The following DIAPH3 variants were observed in gnomAD, a reference collection of about 807,000 sequenced individuals.
DIAPH3 encodes diaphanous related formin 3.
DIAPH3 carries 117 observed loss-of-function variants against 144.3 expected under a neutral mutation model. The observed-to-expected ratio is 0.81, with a 90% confidence interval of 0.70 to 0.95. DIAPH3 has a LOEUF of 0.95. Among genes scored for constraint, DIAPH3 ranks in the 40% least tolerant of loss-of-function variants. The probability of loss-of-function intolerance (pLI) is 0.00; values close to 1 mark genes in which losing one functional copy is unlikely to be tolerated. For synonymous variants in DIAPH3, 519 were observed against 488.9 expected (o/e 1.06, Z -0.81); for missense variants, 1,421 against 1,412.7 (o/e 1.01, Z -0.09).
At chr13:60,027,678 A>C (rs1038852214) in intron 5 of DIAPH3, among the ~76,000 whole-genome samples, 2 of 152,174 alleles carry the variant, frequency 1.3e-5, no homozygotes, top group African/African-American at 4.8e-5. Flanking sequence ...TAAGTCCACT[A>C]TTAAAAGGAA....
chr13:59,984,595 A>G (rs1394063665), intron 12 of DIAPH3, among the ~76,000 whole-genome samples: 7 of 151,510 alleles, frequency 4.6e-5, no homozygotes, highest in African/African-American at 1.5e-4. Flanking sequence ...AAAGAAAAAA[A>G]GAGAGAAGAA....
At chr13:59,829,650 T>C (rs2041670335) in intron 24 of DIAPH3, among the ~76,000 whole-genome samples, 1 of 151,926 alleles carries the variant, frequency 6.6e-6, no homozygotes, top group Non-Finnish European at 1.5e-5. Context: ...ATTTATCTAT[T>C]ATATGCCATG....
chr13:59,732,022 G>T (rs1647891643), intron 27 of DIAPH3, among the ~76,000 whole-genome samples: 1 of 152,090 alleles, frequency 6.6e-6, no homozygotes, highest in South Asian at 2.1e-4. Flanking sequence ...TTACGGATTA[G>T]ATTAGAACAA....
intron 20 of DIAPH3, among the ~76,000 whole-genome samples, chr13:59,889,452 A>AT (rs529156623): frequency 1.6e-4 from 25 of 151,650 alleles, no homozygotes; most frequent in Non-Finnish European, 2.8e-4. Flanking sequence ...CTATATAGCA[A>AT]TTTTTTTTAT....
intron 1 of DIAPH3, among the ~76,000 whole-genome samples, chr13:60,158,854 C>T (rs934834810): frequency 6.8e-6 from 1 of 147,400 alleles, no homozygotes; most frequent in African/African-American, 2.5e-5. Context: ...AGAAGTTACA[C>T]CACAGCACAG....
At chr13:59,935,628 C>T (rs1040940821) in intron 17 of DIAPH3, among the ~76,000 whole-genome samples, 1 of 152,124 alleles carries the variant, frequency 6.6e-6, no homozygotes. Context: ...GAAGTAAATG[C>T]TTTGGTATTG....
At position 60,163,630 on chromosome 13, in the gene DIAPH3, G is replaced by GAA; in HGVS notation, c.136_137insTT (p.Pro46LeufsTer18). The GAA allele has an allele frequency of 6.2e-7, 1 of 1,605,342 alleles. No homozygotes were observed. The highest frequency in any genetic ancestry group is 8.5e-7 in the Non-Finnish European group (1 of 1,173,756). Reference sequence around the variant, plus strand: ...CCCAGGCTCCTCGGGGCCACTGGGCGGCGGAGGGTGTTGGGGGCCCTTCCT... The same window carrying GAA: ...CCCAGGCTCCTCGGGGCCACTGGGCGAAGCGGAGGGTGTTGGGGGCCCTTCCT... On this transcript the variant is annotated frameshift_variant, in exon 1 of 28. Transcript: ENST00000400324. LOFTEE classifies it high-confidence loss of function.
At chr13:59,908,320 G>T (rs1348582572) in intron 20 of DIAPH3, among the ~76,000 whole-genome samples, 1 of 134,262 alleles carries the variant, frequency 7.4e-6, no homozygotes, top group Non-Finnish European at 1.5e-5. Flanking sequence ...GCAGTGAGCC[G>T]AGATCGTGCC....
At chr13:59,791,418 T>G (rs1217956657) in intron 25 of DIAPH3, among the ~76,000 whole-genome samples, 5 of 152,238 alleles carry the variant, frequency 3.3e-5, no homozygotes, top group Middle Eastern at 3.2e-3. Flanking sequence ...TTTTCTAATT[T>G]AATTCTCACT....
chr13:60,076,813 T>A (rs1484596527), intron 4 of DIAPH3, among the ~76,000 whole-genome samples: 2 of 152,166 alleles, frequency 1.3e-5, no homozygotes, highest in African/African-American at 2.4e-5. Flanking sequence ...ATAAGCATTA[T>A]ACAAAAGTAA....
rs1033272799 is a variant in DIAPH3 at position 59,840,447 on chromosome 13, C to T, written c.2738-999G>A. The stretch of plus-strand genomic sequence containing the variant: ...CCTTGGAAGCAATCTAAATGCCCAA[C>T]AAAATGAAACTGAGTTGTTTTTTTT... On this transcript the variant is annotated intron_variant, in intron 22 of 27. Coordinates refer to ENST00000400324, the MANE Select transcript of DIAPH3 (RefSeq NM_001042517.2). Among the ~76,000 whole-genome samples the T allele has an allele frequency of 2.0e-5, 3 of 150,804 alleles. No individual in the cohort carries two copies. In the South Asian group the frequency reaches 6.3e-4, roughly 32 times the overall value.
chr13:60,033,750 T>C (rs1425262577), intron 5 of DIAPH3, among the ~76,000 whole-genome samples: 1 of 152,164 alleles, frequency 6.6e-6, no homozygotes, highest in Non-Finnish European at 1.5e-5. Context: ...ATCCAAACTA[T>C]ATCAATTATT....
intron 4 of DIAPH3, among the ~76,000 whole-genome samples, chr13:60,092,469 G>A (rs978136742): frequency 2.6e-5 from 4 of 152,098 alleles, no homozygotes; most frequent in African/African-American, 4.8e-5. Flanking sequence ...TGGCTAACAC[G>A]GTGAAACCCC....
At chr13:59,827,807 G>C (rs891651548) in intron 24 of DIAPH3, among the ~76,000 whole-genome samples, 8 of 152,008 alleles carry the variant, frequency 5.3e-5, no homozygotes, top group African/African-American at 1.9e-4. Context: ...CAAAGCCACA[G>C]TGACCAATGA....
At chr13:59,778,916 T>G (rs1428138025) in intron 25 of DIAPH3, among the ~76,000 whole-genome samples, 1 of 152,202 alleles carries the variant, frequency 6.6e-6, no homozygotes, top group South Asian at 2.1e-4. Context: ...AACTCTTTTT[T>G]TCATTTTTAT....
chr13:60,021,477 A>T (rs1183819375), intron 5 of DIAPH3, among the ~76,000 whole-genome samples: 1 of 152,030 alleles, frequency 6.6e-6, no homozygotes, highest in Non-Finnish European at 1.5e-5. Flanking sequence ...ATACAAAAAT[A>T]GCCGGGTGTG....
At chr13:59,934,431 A>T (rs1489552148) in intron 17 of DIAPH3, among the ~76,000 whole-genome samples, 3 of 152,190 alleles carry the variant, frequency 2.0e-5, no homozygotes, top group Non-Finnish European at 4.4e-5. Context: ...TATGACACAG[A>T]GAGAAGATAA....
chr13:60,068,368 T>A (rs1347090120), intron 4 of DIAPH3, among the ~76,000 whole-genome samples: 1 of 152,260 alleles, frequency 6.6e-6, no homozygotes. Flanking sequence ...AAAGTAAAGA[T>A]ACTGGTAGGT....
chr13:60,129,518 T>C (rs1267435187), intron 2 of DIAPH3, among the ~76,000 whole-genome samples: 2 of 152,198 alleles, frequency 1.3e-5, no homozygotes, highest in Non-Finnish European at 2.9e-5. Context: ...GAAGTACTTT[T>C]GCAGACCTTT....
Sources: allele counts gnomAD v4.1 joint callset (sites outside exome capture counted in the v4.1 genomes callset), GRCh38; gene constraint gnomAD v4.1.1; transcripts MANE v1.5; gene names NCBI Gene and HGNC (gene_info 2026-07-23, HGNC 2026-07-21).